The following DTNB variants were observed in gnomAD, a reference collection of about 807,000 sequenced individuals.
The protein encoded by DTNB is dystrobrevin beta.
In DTNB, 63 loss-of-function variants were observed where a neutral mutation model predicts 90.7. The ratio of observed to expected loss-of-function variants is 0.69; its 90% CI spans 0.57 to 0.86. The LOEUF (loss-of-function observed/expected upper bound fraction) is 0.86, where lower values mean the gene tolerates loss of function less well. Ranked by LOEUF, DTNB falls within the 40% of genes least tolerant of loss-of-function variation. The pLI, the probability that DTNB is intolerant of heterozygous loss-of-function variation, is 0.00. For synonymous variants in DTNB, 277 were observed against 286.7 expected (o/e 0.97, Z 0.34); for missense variants, 744 against 807.1 (o/e 0.92, Z 0.95).
intron 10 of DTNB, among the ~76,000 whole-genome samples, chr2:25,470,162 T>A (rs1240634010): frequency 1.3e-5 from 2 of 152,116 alleles, no homozygotes; most frequent in African/African-American, 4.8e-5. Context: ...AGTCCTGAAG[T>A]GTGAAGAAAT....
At chr2:25,486,124 AAAAATAAAATAAAAT>A (rs143035949) in intron 9 of DTNB, among the ~76,000 whole-genome samples, 3 of 145,586 alleles carry the variant, frequency 2.1e-5, no homozygotes, top group African/African-American at 2.6e-5. Context: ...TCCATCTCAA[AAAAATAAAATAAAAT>A]AAAATAAAAT....
intron 9 of DTNB, among the ~76,000 whole-genome samples, chr2:25,526,395 A>ATATATATATATATATATTTTT: frequency 1.0e-4 from 5 of 49,826 alleles, no homozygotes; most frequent in African/African-American, 2.0e-4. Flanking sequence ...ATATATATAT[A>ATATATATATATATATATTTTT]TTTTTTTTTT....
intron 10 of DTNB, among the ~76,000 whole-genome samples, chr2:25,476,596 T>C (rs893355932): frequency 5.9e-5 from 9 of 152,168 alleles, no homozygotes; most frequent in African/African-American, 2.2e-4. Context: ...CATGGAATTC[T>C]AGGGGTTCAA....
At chr2:25,556,170 C>CT (rs60714399) in intron 8 of DTNB, among the ~76,000 whole-genome samples, 5,789 of 105,356 alleles carry the variant, frequency 0.055, 339 homozygotes, top group African/African-American at 0.09. Context: ...GGCCATCTCT[C>CT]TTTTTTTTTT....
rs377303701 is a variant in DTNB, at chr2:25,457,095, C to T, written c.1080-1601G>A. ...TGCAATCTCAGCTCACTGAAACCTC[C>T]GCCTCCCAAGTTCAAGTGATTCTCC... On this transcript the variant is annotated intron_variant, in intron 10 of 20. Coordinates refer to ENST00000406818, the MANE Select transcript of DTNB (RefSeq NM_021907.5). Among the ~76,000 whole-genome samples, 27 of 152,080 alleles carry T rather than the reference C, an allele frequency of 1.8e-4. No individual in the cohort carries two copies. In the South Asian group the frequency reaches 5.0e-3, roughly 28 times the overall value.
chr2:25,401,663 A>G (rs878899157), intron 16 of DTNB, among the ~76,000 whole-genome samples: 1 of 152,238 alleles, frequency 6.6e-6, no homozygotes, highest in Admixed American at 6.5e-5. Context: ...CCTGGCACAC[A>G]TTATAGTCAG....
At chr2:25,457,609 G>A (rs190714294) in intron 10 of DTNB, among the ~76,000 whole-genome samples, 296 of 152,070 alleles carry the variant, frequency 1.9e-3, no homozygotes, top group Non-Finnish European at 3.2e-3. Context: ...CACTGGCAGC[G>A]CTTGCAGATA....
At chr2:25,610,852 G>A (rs2068436288) in intron 4 of DTNB, among the ~76,000 whole-genome samples, 1 of 152,096 alleles carries the variant, frequency 6.6e-6, no homozygotes, top group Non-Finnish European at 1.5e-5. Context: ...TGGGATTACA[G>A]GTGCACACCA....
intron 9 of DTNB, among the ~76,000 whole-genome samples, chr2:25,502,078 T>C (rs1317678800): frequency 1.3e-5 from 2 of 151,996 alleles, no homozygotes; most frequent in Admixed American, 6.6e-5. Context: ...CAGCTATTTG[T>C]GGGGCTGAGG....
intron 3 of DTNB, among the ~76,000 whole-genome samples, chr2:25,637,839 C>T (rs888818110): frequency 6.6e-6 from 1 of 152,118 alleles, no homozygotes; most frequent in African/African-American, 2.4e-5. Context: ...TACCATTTGA[C>T]CCAGCAATCC....
At chr2:25,420,539 G>C (rs6737568) in intron 15 of DTNB, among the ~76,000 whole-genome samples, 65 of 150,266 alleles carry the variant, frequency 4.3e-4, no homozygotes, top group African/African-American at 1.6e-3. Context: ...TCTATCGACA[G>C]AGTTTCGCTC....
At chr2:25,562,645 C>A (rs542623130) in intron 8 of DTNB, among the ~76,000 whole-genome samples, 1 of 152,202 alleles carries the variant, frequency 6.6e-6, no homozygotes, top group South Asian at 2.1e-4. Flanking sequence ...TAGCACCTCA[C>A]TGTGTTTTTG....
intron 16 of DTNB, among the ~76,000 whole-genome samples, chr2:25,418,572 G>A (rs1004458190): frequency 6.6e-6 from 1 of 151,892 alleles, no homozygotes; most frequent in African/African-American, 2.4e-5. Context: ...GGTGGTGCGT[G>A]ACTGTAGTCC....
intron 8 of DTNB, among the ~76,000 whole-genome samples, chr2:25,551,878 T>C (rs968895425): frequency 2.6e-5 from 4 of 152,226 alleles, no homozygotes; most frequent in Non-Finnish European, 4.4e-5. Flanking sequence ...TTTATAATAA[T>C]AGTAATGTAC....
intron 10 of DTNB, among the ~76,000 whole-genome samples, chr2:25,467,663 T>C (rs1237189796): frequency 2.0e-5 from 3 of 152,074 alleles, no homozygotes; most frequent in Non-Finnish European, 4.4e-5. Context: ...CATGCTGACT[T>C]ATAAAGTACC....
chr2:25,613,494 C>T (rs1446425834), intron 4 of DTNB, among the ~76,000 whole-genome samples: 3 of 151,994 alleles, frequency 2.0e-5, no homozygotes, highest in African/African-American at 4.8e-5. Flanking sequence ...GAGAACATGT[C>T]GGTATTTGGT....
intron 10 of DTNB, among the ~76,000 whole-genome samples, chr2:25,474,455 G>T (rs901195259): frequency 8.5e-5 from 13 of 152,112 alleles, no homozygotes; most frequent in Admixed American, 6.5e-5. Flanking sequence ...GAGAATCCAT[G>T]CACTGAGTCC....
At chr2:25,382,706 T>C (rs368063284) in intron 19 of DTNB, among the ~76,000 whole-genome samples, 8 of 151,806 alleles carry the variant, frequency 5.3e-5, no homozygotes, top group African/African-American at 1.7e-4. Flanking sequence ...TTTTTGTATT[T>C]TTAGTAGAGA....
chr2:25,552,953 C>T (rs1348437222), intron 8 of DTNB, among the ~76,000 whole-genome samples: 4 of 144,528 alleles, frequency 2.8e-5, no homozygotes, highest in Non-Finnish European at 6.0e-5. Flanking sequence ...CTCCGCTTCC[C>T]GGGTTCACGC....
Sources: allele counts gnomAD v4.1 joint callset (sites outside exome capture counted in the v4.1 genomes callset), GRCh38; gene constraint gnomAD v4.1.1; transcripts MANE v1.5; gene names NCBI Gene and HGNC (gene_info 2026-07-23, HGNC 2026-07-21).